Variants in RADIL observed in about 807,000 individuals in gnomAD.
RADIL encodes the protein ras-associating and dilute domain-containing protein.
RADIL carries 99 observed loss-of-function variants against 97.6 expected under a neutral mutation model. The ratio of observed to expected loss-of-function variants is 1.01; its 90% CI spans 0.86 to 1.20. The LOEUF is 1.20. RADIL is among the 50% of genes most tolerant of loss of function. RADIL has a pLI of 0.00. For missense variants in RADIL, 1,765 were observed against 1,498.9 expected (o/e 1.18, Z -2.93); for synonymous variants, 803 against 691.8 (o/e 1.16, Z -2.52).
chr7:4,810,612 C>A (rs796387916), intron 9 of RADIL, among the ~76,000 whole-genome samples: 21 of 152,350 alleles, frequency 1.4e-4, no homozygotes, highest in African/African-American at 5.0e-4. Context: ...CTGGAAGCAT[C>A]CCTAAGCGGG....
intron 9 of RADIL, among the ~76,000 whole-genome samples, chr7:4,812,606 G>C (rs1276467762): frequency 6.6e-6 from 1 of 152,026 alleles, no homozygotes; most frequent in Non-Finnish European, 1.5e-5. Context: ...ATTTTTAGTT[G>C]AGACGGGGTA....
rs115606188 is a variant in RADIL, at chr7:4,800,177, G to A, written c.2976C>T (p.Asp992=). The A allele has an allele frequency of 2.1e-3, 3,453 of 1,608,012 alleles. 42 individuals are homozygous for A. In the African/African-American group the frequency reaches 0.033, roughly 15 times the overall value. ...GPSGLGMGLI[D]GMHTHLGAPG... ...AGGGTCCTGGGCCACTCACCATCCC[G>A]TCGATCAGGCCCATCCCCAGCCCGG... Residue 992 remains aspartate (D), a synonymous_variant, in exon 13 of 15, where the codon GAC becomes GAT. Transcript: ENST00000399583.
intron 9 of RADIL, chr7:4,809,634 T>C (rs1450044345): frequency 1.2e-5 from 12 of 983,402 alleles, no homozygotes; most frequent in Non-Finnish European, 1.4e-5. Flanking sequence ...CAACCTGCCC[T>C]TTCAGGAGTA....
At chr7:4,825,141 G>T (rs1041674506) in intron 5 of RADIL, among the ~76,000 whole-genome samples, 1 of 152,126 alleles carries the variant, frequency 6.6e-6, no homozygotes, top group Non-Finnish European at 1.5e-5. Context: ...CTCGGGGGGG[G>T]ACAGCACAGC....
chr7:4,838,080 G>A (rs551261776), intron 2 of RADIL: 263 of 984,214 alleles, frequency 2.7e-4, no homozygotes, highest in Middle Eastern at 1.0e-3. Context: ...GGGCCAGGGC[G>A]TGAGGGAGGC....
chr7:4,811,578 C>T (rs1160544666), intron 9 of RADIL, among the ~76,000 whole-genome samples: 2 of 150,102 alleles, frequency 1.3e-5, no homozygotes, highest in African/African-American at 4.9e-5. Context: ...AGCTCCGCCT[C>T]CCGGGTTCAC....
At chr7:4,803,494 C>T in intron 11 of RADIL, 52 bp downstream of exon 11, 1 of 1,439,780 alleles carries the variant, frequency 6.9e-7, no homozygotes, top group South Asian at 1.3e-5. Context: ...GGCTGGGTCC[C>T]CTCCCCGGGC....
At chr7:4,847,515 A>C (rs1583304032) in intron 2 of RADIL, among the ~76,000 whole-genome samples, 1 of 152,320 alleles carries the variant, frequency 6.6e-6, no homozygotes, top group African/African-American at 2.4e-5. Context: ...GAAGTAAAAA[A>C]TACACGTCCA....
At chr7:4,809,141 GGGT>G in intron 9 of RADIL, 2 of 985,152 alleles carry the variant, frequency 2.0e-6, no homozygotes, top group South Asian at 4.7e-5. Flanking sequence ...CCTCAGCGTG[GGGT>G]GGCCCGGCCG....
rs1207789116 is a variant in RADIL at position 4,883,610 on chromosome 7, G to A, written c.-79C>T. 1 of 152,042 alleles carries A rather than the reference G, an allele frequency of 6.6e-6. No individual in the cohort carries two copies. Among genetic ancestry groups the A allele is most frequent in the Non-Finnish European group, 1.5e-5 (1 of 68,052 alleles). 9.4% of individuals were successfully genotyped at this position (152,042 alleles called of 1,614,324 possible). A position where few individuals can be genotyped will look rare whatever the true frequency, so the allele number is the denominator to read the frequency against. On this transcript the variant is annotated 5_prime_UTR_variant, in exon 1 of 15. Transcript: ENST00000399583. The surrounding 1 kb of genome is among the most constrained non-coding windows in gnomAD (Gnocchi z 7.1). The stretch of plus-strand genomic sequence containing the variant: ...CCCACACTCACCTCCGGCACAACCC[G>A]CCGCGCCGCCACGTTCCCGCGCTGC...
At position 4,866,716 on chromosome 7, in the gene RADIL, G is replaced by T. The variant is rs1173790106; in HGVS notation, c.535+10889C>A. 2.6e-5 allele frequency among the ~76,000 whole-genome samples: 4 copies of T among 152,328 alleles called. No homozygotes were observed. The South Asian group carries it at 6.2e-4, about 24-fold the overall frequency. ...GACTTATCCTGGGTCAGTGAGGGGT[G>T]AGGAGAGCAGCACAGTCAGTGCTAT... is the stretch of plus-strand genomic sequence containing the variant. On this transcript the variant is annotated intron_variant, in intron 2 of 14. Coordinates refer to ENST00000399583, the MANE Select transcript of RADIL (RefSeq NM_018059.5).
intron 9 of RADIL, among the ~76,000 whole-genome samples, chr7:4,807,965 CCTCTCCCTCCTCCCT>C (rs566115369): frequency 0.013 from 909 of 72,648 alleles, 55 homozygotes; most frequent in African/African-American, 0.081. Flanking sequence ...CTGTCTCTCT[CCTCTCCCTCCTCCCT>C]CTCTCCCTGT....
chr7:4,860,052 C>G (rs1259881576), intron 2 of RADIL: 1 of 1,614,008 alleles, frequency 6.2e-7, no homozygotes, highest in Middle Eastern at 1.6e-4. Flanking sequence ...AATGCAACCC[C>G]TGAACTTTCA....
In RADIL at chr7:4,837,586, C is replaced by T. The variant is rs1210584813; in HGVS notation, c.536-981G>A. 1.3e-5 allele frequency among the ~76,000 whole-genome samples: 2 copies of T among 152,134 alleles called. No individual in the cohort carries two copies. Among genetic ancestry groups the T allele is most frequent in the Non-Finnish European group, 2.9e-5 (2 of 68,036 alleles). ...ATACACATGCCCACAAATACACATG[C>T]ACCCACACAAAAATGCACACACACA... On this transcript the variant is annotated intron_variant, in intron 2 of 14. Transcript: ENST00000399583. The surrounding 1 kb of genome is among the most constrained non-coding windows in gnomAD (Gnocchi z 5.6).
At position 4,817,096 on chromosome 7, in the gene RADIL, A is replaced by T; in HGVS notation, c.1728+143T>A. 1.5e-6 allele frequency: 1 copy of T among 685,270 alleles called. No individual in the cohort carries two copies. Among genetic ancestry groups the T allele is most frequent in the Non-Finnish European group, 2.5e-6 (1 of 405,778 alleles). The allele number at this position is 685,270 out of a possible 1,614,324, so 42.4% of individuals were successfully genotyped here. ...CTGGGCCTGTGCAGAACCTGCAGCC[A>T]CTGCTCCCTGATGAAGTGGAGCTTG... On this transcript the variant is annotated intron_variant, in intron 7 of 14. Coordinates refer to ENST00000399583, the MANE Select transcript of RADIL (RefSeq NM_018059.5). This position sits in a 1 kb window ranked among gnomAD's most constrained non-coding sequence, Gnocchi z 8.3.
intron 9 of RADIL, among the ~76,000 whole-genome samples, chr7:4,811,479 CTTTTTTT>C (rs35136302): frequency 6.8e-5 from 4 of 59,046 alleles, no homozygotes; most frequent in Non-Finnish European, 1.2e-4. Flanking sequence ...GGTATTATTT[CTTTTTTT>C]TTTTTTTTTT....
At position 4,854,314 on chromosome 7, in the gene RADIL, T is replaced by C. The variant is rs1189502642; in HGVS notation, c.536-17709A>G. On this transcript the variant is annotated intron_variant, in intron 2 of 14. Transcript: ENST00000399583. The surrounding 1 kb of genome is among the most constrained non-coding windows in gnomAD (Gnocchi z 5.1). ...GACCTGGCCAAATGCAATTCCAAAC[T>C]GATGAGGGGGCATTAGGTGGGGTTT... Among the ~76,000 whole-genome samples, 2 of 152,186 alleles carry C rather than the reference T, an allele frequency of 1.3e-5. No individual in the cohort carries two copies. The highest frequency in any genetic ancestry group is 3.8e-4 in the East Asian group (2 of 5,206).
chr7:4,863,742 C>T (rs1295365562), intron 2 of RADIL, among the ~76,000 whole-genome samples: 1 of 152,194 alleles, frequency 6.6e-6, no homozygotes, highest in Non-Finnish European at 1.5e-5. Context: ...CATTTTTTCA[C>T]TCAATGTGTC....
intron 1 of RADIL, among the ~76,000 whole-genome samples, chr7:4,881,201 G>A (rs577780263): frequency 2.8e-5 from 4 of 144,864 alleles, no homozygotes; most frequent in African/African-American, 1.0e-4. Flanking sequence ...AGATCACGAG[G>A]TCAGCAGATC....
Sources: gnomAD v4.1 joint callset for allele counts (sites outside exome capture counted in the v4.1 genomes callset) on GRCh38, gnomAD v4.1.1 for gene constraint, Gnocchi (gnomAD v3.1) non-coding constraint, MANE v1.5 for transcripts, NCBI Gene and HGNC (gene_info 2026-07-23, HGNC 2026-07-21) for gene names.